The following CNTN4 variants were observed in gnomAD, a reference collection of about 807,000 sequenced individuals.
CNTN4 encodes the protein contactin-4.
CNTN4 carries 77 observed loss-of-function variants against 122.5 expected under a neutral mutation model. The observed-to-expected ratio is 0.63, with a 90% confidence interval of 0.52 to 0.76. The LOEUF is 0.76. Ranked by LOEUF, CNTN4 falls within the 30% of genes least tolerant of loss-of-function variation. CNTN4 has a pLI of 0.00. For missense variants in CNTN4, 1,256 were observed against 1,259.1 expected (o/e 1.00, Z 0.04); for synonymous variants, 512 against 447.0 (o/e 1.15, Z -1.83).
At chr3:2,664,904 G>C (rs1442533689) in intron 4 of CNTN4, among the ~76,000 whole-genome samples, 3 of 152,172 alleles carry the variant, frequency 2.0e-5, no homozygotes, top group Non-Finnish European at 4.4e-5. Context: ...ATTTGTAAGT[G>C]GGTTTGGCTT....
chr3:2,151,709 T>G (rs1417641460), intron 2 of CNTN4, among the ~76,000 whole-genome samples: 2 of 152,110 alleles, frequency 1.3e-5, no homozygotes, highest in African/African-American at 4.8e-5. Flanking sequence ...ACTAATGGAC[T>G]AATGAGTTGT....
intron 14 of CNTN4, among the ~76,000 whole-genome samples, chr3:3,001,091 T>C (rs181731921): frequency 6.6e-6 from 1 of 152,278 alleles, no homozygotes; most frequent in East Asian, 1.9e-4. Flanking sequence ...GCCTGAGTTT[T>C]GAAACACTTG....
At chr3:2,627,165 G>A (rs573931874) in intron 4 of CNTN4, among the ~76,000 whole-genome samples, 3 of 152,274 alleles carry the variant, frequency 2.0e-5, no homozygotes, top group Non-Finnish European at 2.9e-5. Flanking sequence ...AGGTACCTGG[G>A]ACAAATTGGT....
intron 4 of CNTN4, among the ~76,000 whole-genome samples, chr3:2,718,237 GT>G (rs58501984): frequency 3.1e-4 from 32 of 102,514 alleles, no homozygotes; most frequent in Non-Finnish European, 3.9e-4. Context: ...CATTTTCTTG[GT>G]TTTTTTTTTA....
chr3:2,572,315 G>A (rs971892577), intron 4 of CNTN4, among the ~76,000 whole-genome samples: 1 of 152,164 alleles, frequency 6.6e-6, no homozygotes, highest in African/African-American at 2.4e-5. Flanking sequence ...GAACCCAGAA[G>A]GCGAAGGTTG....
Position 2,491,284 on chromosome 3 carries a change from T to C in CNTN4, c.-88-80132T>C, listed in dbSNP as rs145153865. ...ATAGAAATAAAGATAGTTGTAAGAA[T>C]TGAAGAACTGAATTACACAAGAGTA... On this transcript the variant is annotated intron_variant, in intron 3 of 24. Transcript: ENST00000418658. Among the ~76,000 whole-genome samples the C allele has an allele frequency of 3.9e-3, 595 of 152,274 alleles. 3 individuals carry two copies. Among genetic ancestry groups the C allele is most frequent in the African/African-American group, 0.014 (564 of 41,564 alleles).
chr3:2,554,882 G>A (rs868022231), intron 3 of CNTN4, among the ~76,000 whole-genome samples: 12 of 152,162 alleles, frequency 7.9e-5, no homozygotes, highest in Admixed American at 4.6e-4. Context: ...TCTGAAGAAC[G>A]TTTGTCCCAT....
chr3:2,728,256 A>G, intron 4 of CNTN4, among the ~76,000 whole-genome samples: 1 of 152,182 alleles, frequency 6.6e-6, no homozygotes. Flanking sequence ...CATACGTTTT[A>G]TGAGTAATTT....
At chr3:2,254,855 A>G (rs2040515402) in intron 2 of CNTN4, among the ~76,000 whole-genome samples, 1 of 152,066 alleles carries the variant, frequency 6.6e-6, no homozygotes, top group Non-Finnish European at 1.5e-5. Flanking sequence ...CTCTGATGAT[A>G]GTTTCTTTTG....
At chr3:2,986,863 C>T (rs548384647) in intron 13 of CNTN4, among the ~76,000 whole-genome samples, 8 of 152,304 alleles carry the variant, frequency 5.3e-5, no homozygotes, top group African/African-American at 1.4e-4. Context: ...GAGGTTCAGT[C>T]GTAAGACAGA....
At chr3:2,508,975 G>A (rs928792223) in intron 3 of CNTN4, among the ~76,000 whole-genome samples, 14 of 152,134 alleles carry the variant, frequency 9.2e-5, no homozygotes, top group African/African-American at 3.4e-4. Flanking sequence ...TTTTTAGTTA[G>A]TAATTAACAC....
chr3:2,914,116 G>T (rs775002876), intron 12 of CNTN4, among the ~76,000 whole-genome samples: 16 of 152,118 alleles, frequency 1.1e-4, no homozygotes, highest in Non-Finnish European at 1.9e-4. Context: ...AAATGGAAAT[G>T]AAAATACAAC....
intron 2 of CNTN4, among the ~76,000 whole-genome samples, chr3:2,298,962 A>C (rs1466066380): frequency 6.6e-6 from 1 of 152,126 alleles, no homozygotes; most frequent in Admixed American, 6.5e-5. Context: ...AATTTTGATA[A>C]TCTTCTTTTA....
intron 3 of CNTN4, among the ~76,000 whole-genome samples, chr3:2,518,479 G>A (rs1028370409): frequency 6.6e-6 from 1 of 152,106 alleles, no homozygotes; most frequent in African/African-American, 2.4e-5. Context: ...TTAGGAACAT[G>A]TCTGCAAGTC....
In CNTN4 at chr3:3,040,065, G is replaced by A. The variant is rs761965189; in HGVS notation, c.2192G>A (p.Arg731Gln). 1.4e-5 allele frequency: 22 copies of A among 1,613,622 alleles called. No individual in the cohort carries two copies. The highest frequency in any genetic ancestry group is 1.3e-4 in the African/African-American group (10 of 74,926). ...ETVPEELQNG[R>Q]GFGYVVAFRP... ...GTCCCTGAGGAATTACAGAATGGTC[G>A]AGGCTTTGGTTATGTGGTGGCCTTC... is the stretch of plus-strand genomic sequence containing the variant. Residue 731 changes from arginine (R) to glutamine (Q), a missense_variant, in exon 20 of 25, where the codon CGA (arginine) becomes CAA (glutamine). By Grantham distance (43) the Arg-to-Gln change is conservative. Transcript: ENST00000418658.
intron 7 of CNTN4, among the ~76,000 whole-genome samples, chr3:2,858,103 A>T (rs966980299): frequency 6.6e-6 from 1 of 152,210 alleles, no homozygotes; most frequent in South Asian, 2.1e-4. Context: ...CTCAGTGGAA[A>T]GCTGCTATTC....
At chr3:2,917,656 A>G (rs2094383827) in intron 12 of CNTN4, among the ~76,000 whole-genome samples, 3 of 152,146 alleles carry the variant, frequency 2.0e-5, no homozygotes, top group South Asian at 2.1e-4. Flanking sequence ...GGTGATTTTT[A>G]TGGTCAATTA....
At chr3:2,668,109 T>C (rs2084279916) in intron 4 of CNTN4, among the ~76,000 whole-genome samples, 1 of 152,272 alleles carries the variant, frequency 6.6e-6, no homozygotes, top group South Asian at 2.1e-4. Flanking sequence ...TTTAAAGTAG[T>C]TTTTTCCAAT....
chr3:2,550,878 C>G (rs969205902), intron 3 of CNTN4, among the ~76,000 whole-genome samples: 1 of 152,076 alleles, frequency 6.6e-6, no homozygotes, highest in Non-Finnish European at 1.5e-5. Flanking sequence ...CATGTTATCT[C>G]TCATAAGTGG....
Sources: allele counts gnomAD v4.1 joint callset (sites outside exome capture counted in the v4.1 genomes callset), GRCh38; gene constraint gnomAD v4.1.1; transcripts MANE v1.5; gene names NCBI Gene and HGNC (gene_info 2026-07-23, HGNC 2026-07-21).